GAREM1: variants seen among roughly 807,000 people sequenced by gnomAD.
GAREM1 encodes GRB2-associated and regulator of MAPK protein 1.
In GAREM1, 26 loss-of-function variants were observed where a neutral mutation model predicts 71.3. The ratio of observed to expected loss-of-function variants is 0.36; its 90% CI spans 0.27 to 0.51. The LOEUF is 0.51. Among genes scored for constraint, GAREM1 ranks in the 20% least tolerant of loss-of-function variants. The probability of loss-of-function intolerance (pLI) is 0.95; values close to 1 mark genes in which losing one functional copy is unlikely to be tolerated. For missense variants in GAREM1, 1,026 were observed against 1,103.1 expected, an observed-to-expected ratio of 0.93 and a Z score of 0.99; for synonymous variants, 440 against 433.2, an observed-to-expected ratio of 1.02 and a Z score of -0.20.
rs1293767900 is a variant in GAREM1 at position 32,412,418 on chromosome 18, A to G, written c.122-19383T>C. ...CATTGTAGCTTCCACCACCTCCAAA[A>G]TTGCTTCCATCATTACCAAATCCAT... On this transcript the variant is annotated intron_variant, in intron 1 of 5. Transcript: ENST00000269209. 3 of 1,585,006 alleles carry G rather than the reference A, an allele frequency of 1.9e-6. No individual in the cohort carries two copies. In the African/African-American group the frequency reaches 4.0e-5, roughly 21 times the overall value.
chr18:32,394,654 C>T (rs1421408289), intron 1 of GAREM1, among the ~76,000 whole-genome samples: 2 of 152,054 alleles, frequency 1.3e-5, no homozygotes, highest in Non-Finnish European at 2.9e-5. Context: ...TGCCTGGGGG[C>T]CAGTGGTACT....
chr18:32,347,691 T>G (rs1459773191), intron 2 of GAREM1, among the ~76,000 whole-genome samples: 1 of 152,194 alleles, frequency 6.6e-6, no homozygotes, highest in Non-Finnish European at 1.5e-5. Flanking sequence ...TAAAGCAATG[T>G]CAATTAACAA....
intron 3 of GAREM1, among the ~76,000 whole-genome samples, chr18:32,307,181 A>C (rs1008858078): frequency 6.6e-6 from 1 of 152,142 alleles, no homozygotes; most frequent in East Asian, 1.9e-4. Context: ...GGACTTGTAA[A>C]TAAATATATC....
chr18:32,367,629 T>C (rs1039560462), intron 2 of GAREM1, among the ~76,000 whole-genome samples: 30 of 152,240 alleles, frequency 2.0e-4, no homozygotes, highest in Non-Finnish European at 2.5e-4. Flanking sequence ...TTTTATTTTT[T>C]ATTTTGTTTT....
At chr18:32,439,070 G>A (rs2048709791) in intron 1 of GAREM1, among the ~76,000 whole-genome samples, 1 of 152,162 alleles carries the variant, frequency 6.6e-6, no homozygotes, top group Non-Finnish European at 1.5e-5. Flanking sequence ...ATTGCGAACA[G>A]GTGTCACTGC....
intron 2 of GAREM1, among the ~76,000 whole-genome samples, chr18:32,321,878 A>T (rs965643480): frequency 6.6e-6 from 1 of 152,208 alleles, no homozygotes. Context: ...TTAAAATTCA[A>T]ATCTAACCAT....
At chr18:32,330,430 A>G (rs1320283606) in intron 2 of GAREM1, among the ~76,000 whole-genome samples, 2 of 152,208 alleles carry the variant, frequency 1.3e-5, no homozygotes, top group East Asian at 3.9e-4. Context: ...TGACAGGATC[A>G]TTTGTATCAC....
At position 32,351,204 on chromosome 18, in the gene GAREM1, AC is replaced by A. The variant is rs2047747122; in HGVS notation, c.263-40882del. Among the ~76,000 whole-genome samples, 9 of 152,274 alleles carry A rather than the reference AC, an allele frequency of 5.9e-5. No homozygotes were observed. The South Asian group carries it at 1.9e-3, about 32-fold the overall frequency. ...AATTGCGTTAAAACTAGAAATGAAC[AC>A]CCAGGCACCAGATGAAACACATCTG... On this transcript the variant is annotated intron_variant, in intron 2 of 5. Transcript: ENST00000269209.
chr18:32,309,849 C>A (rs1426504227), intron 3 of GAREM1, among the ~76,000 whole-genome samples: 1 of 151,996 alleles, frequency 6.6e-6, no homozygotes, highest in African/African-American at 2.4e-5. Flanking sequence ...TATTTAGTTT[C>A]ATCATATCCC....
intron 1 of GAREM1, among the ~76,000 whole-genome samples, chr18:32,452,953 AGTAT>A (rs2048854161): frequency 6.6e-6 from 1 of 151,710 alleles, no homozygotes; most frequent in African/African-American, 2.4e-5. Flanking sequence ...TGTGTGCTTG[AGTAT>A]GTGTCTTTAA....
chr18:32,457,795 A>T (rs1173837200), intron 1 of GAREM1, among the ~76,000 whole-genome samples: 1 of 152,254 alleles, frequency 6.6e-6, no homozygotes, highest in East Asian at 1.9e-4. Context: ...TCTAGGGTAC[A>T]CGTGCACAAC....
intron 4 of GAREM1, among the ~76,000 whole-genome samples, chr18:32,286,782 C>A (rs754914255): frequency 2.0e-5 from 3 of 152,136 alleles, no homozygotes; most frequent in Non-Finnish European, 2.9e-5. Context: ...ATTCTCCGGG[C>A]AGCAGCAAAA....
rs140303055 is a variant in GAREM1 at position 32,399,657 on chromosome 18, T to C, written c.122-6622A>G. Among the ~76,000 whole-genome samples the C allele has an allele frequency of 3.7e-3, 557 of 152,172 alleles. 1 individual carries two copies. Among genetic ancestry groups the C allele is most frequent in the African/African-American group, 8.8e-3 (365 of 41,494 alleles). On this transcript the variant is annotated intron_variant, in intron 1 of 5. Coordinates refer to ENST00000269209, the MANE Select transcript of GAREM1 (RefSeq NM_001242409.2). ...TTCAAGGAGAACTACAAACCACTGC[T>C]CAACGAAATAAAACAGGACACGAAC...
intron 1 of GAREM1, among the ~76,000 whole-genome samples, chr18:32,458,619 A>T (rs1483038310): frequency 6.6e-6 from 1 of 152,004 alleles, no homozygotes; most frequent in African/African-American, 2.4e-5. Flanking sequence ...AGAAATGTAC[A>T]GGAGGAGATT....
chr18:32,342,940 A>G (rs1174308535), intron 2 of GAREM1, among the ~76,000 whole-genome samples: 1 of 152,178 alleles, frequency 6.6e-6, no homozygotes, highest in Non-Finnish European at 1.5e-5. Context: ...GGCAGATACT[A>G]TCACCAGTTT....
Position 32,446,249 on chromosome 18 carries a change from T to TGTGTGTGTGTGC in GAREM1, c.121+24058_121+24059insGCACACACACAC, listed in dbSNP as rs141510183. ...GTGTGTGTGTGTGTGTGTGTGTGTGTGTGTATAACAACAGAATTGTTCACC... is the reference window on the plus strand; with the variant it reads ...GTGTGTGTGTGTGTGTGTGTGTGTGTGTGTGTGTGTGCGTGTATAACAACAGAATTGTTCACC... On this transcript the variant is annotated intron_variant, in intron 1 of 5. Coordinates refer to ENST00000269209, the MANE Select transcript of GAREM1 (RefSeq NM_001242409.2). 1.8e-3 allele frequency among the ~76,000 whole-genome samples: 278 copies of TGTGTGTGTGTGC among 151,974 alleles called. 2 individuals carry two copies. The highest frequency in any genetic ancestry group is 6.2e-3 in the African/African-American group (257 of 41,404).
chr18:32,267,683 C>T lies in GAREM1; in HGVS notation c.*188G>A, dbSNP rs894092298. On this transcript the variant is annotated 3_prime_UTR_variant, in exon 6 of 6. Coordinates refer to ENST00000269209, the MANE Select transcript of GAREM1 (RefSeq NM_001242409.2). Reference sequence around the variant, plus strand: ...AAGGCACACCTCCAAGTGTTCTGTACAGCATTTTTATTGATGTACAAAATA... The same window carrying T: ...AAGGCACACCTCCAAGTGTTCTGTATAGCATTTTTATTGATGTACAAAATA... The T allele has an allele frequency of 1.2e-5, 7 of 574,554 alleles. No individual in the cohort carries two copies. Among genetic ancestry groups the T allele is most frequent in the African/African-American group, 1.1e-4 (6 of 53,442 alleles). The allele number at this position is 574,554 out of a possible 1,614,324, so 35.6% of individuals were successfully genotyped here.
At chr18:32,341,585 A>G (rs1295164347) in intron 2 of GAREM1, among the ~76,000 whole-genome samples, 2 of 152,180 alleles carry the variant, frequency 1.3e-5, no homozygotes, top group Non-Finnish European at 2.9e-5. Flanking sequence ...ACTAGTTTAC[A>G]GTCCCACCAA....
intron 2 of GAREM1, among the ~76,000 whole-genome samples, chr18:32,352,284 GT>G: frequency 6.6e-6 from 1 of 152,210 alleles, no homozygotes; most frequent in African/African-American, 2.4e-5. Context: ...TTAAAACACA[GT>G]ACTAAGACAA....
Sources: gnomAD v4.1 joint callset for allele counts (sites outside exome capture counted in the v4.1 genomes callset) on GRCh38, gnomAD v4.1.1 for gene constraint, MANE v1.5 for transcripts, NCBI Gene and HGNC (gene_info 2026-07-23, HGNC 2026-07-21) for gene names.